MYLK: variants seen among roughly 807,000 people sequenced by gnomAD.
MYLK encodes the protein myosin light chain kinase, smooth muscle.
Under a neutral mutation model 203.4 loss-of-function variants are expected in MYLK, and 106 were observed. The ratio of observed to expected loss-of-function variants is 0.52; its 90% CI spans 0.45 to 0.61. The LOEUF (loss-of-function observed/expected upper bound fraction) is 0.61. MYLK is among the 20% of genes least tolerant of loss of function. The pLI is 0.00. For missense variants in MYLK, 2,072 were observed against 2,442.3 expected, an observed-to-expected ratio of 0.85 and a Z score of 3.20; for synonymous variants, 867 against 959.5, an observed-to-expected ratio of 0.90 and a Z score of 1.78.
chr3:123,682,849 C>G (rs994453751), intron 19 of MYLK, among the ~76,000 whole-genome samples: 20 of 152,170 alleles, frequency 1.3e-4, no homozygotes, highest in African/African-American at 4.1e-4. Flanking sequence ...AGCATGCCTC[C>G]CACCTCTGAG....
chr3:123,696,089 C>G (rs2060913557), intron 18 of MYLK, among the ~76,000 whole-genome samples: 1 of 152,304 alleles, frequency 6.6e-6, no homozygotes, highest in South Asian at 2.1e-4. Flanking sequence ...GGCTGTCAAA[C>G]CTCTTCTGCT....
chr3:123,667,242 C>T (rs2108347546), intron 20 of MYLK, 55 bp from the exon 21 acceptor site: 1 of 1,550,034 alleles, frequency 6.5e-7, no homozygotes, highest in South Asian at 1.1e-5. Flanking sequence ...TTTCACAAAG[C>T]TCCTGATCCT....
chr3:123,754,585 T>G (rs2063305758), intron 4 of MYLK, among the ~76,000 whole-genome samples: 1 of 152,168 alleles, frequency 6.6e-6, no homozygotes, highest in Non-Finnish European at 1.5e-5. Context: ...GCTGACAGTG[T>G]TGAAGGAGAC....
chr3:123,713,235 T>A (rs1473135071), intron 13 of MYLK, among the ~76,000 whole-genome samples: 4 of 152,052 alleles, frequency 2.6e-5, no homozygotes, highest in Admixed American at 6.5e-5. Flanking sequence ...TGGGAGTGAA[T>A]GTTCAGAACG....
intron 5 of MYLK, among the ~76,000 whole-genome samples, chr3:123,745,224 G>A (rs1487559693): frequency 6.6e-6 from 1 of 151,914 alleles, no homozygotes; most frequent in African/African-American, 2.4e-5. Flanking sequence ...AAAGATTCTT[G>A]CTGTGAAGCC....
chr3:123,791,411 G>A (rs2064776414), intron 4 of MYLK, among the ~76,000 whole-genome samples: 1 of 152,202 alleles, frequency 6.6e-6, no homozygotes, highest in African/African-American at 2.4e-5. Context: ...GGGATCATGT[G>A]ATGTGGCCCT....
intron 19 of MYLK, among the ~76,000 whole-genome samples, chr3:123,685,637 T>C (rs1402860905): frequency 7.8e-6 from 1 of 127,638 alleles, no homozygotes; most frequent in Non-Finnish European, 1.7e-5. Flanking sequence ...AAAAAGAAAA[T>C]GAAAATGATC....
At position 123,692,767 on chromosome 3, in the gene MYLK, T is replaced by C; in HGVS notation, c.3533A>G (p.Gln1178Arg). 6.2e-7 allele frequency: 1 copy of C among 1,614,020 alleles called. No homozygotes were observed. Among genetic ancestry groups the C allele is most frequent in the East Asian group, 2.2e-5 (1 of 44,874 alleles). ...GGTGACTTGGCAGGAGCACTCCGCC[T>C]GGCCAGCGTCATTCTTGGCTACACA... ...YKCVAKNDAG[Q>R]AECSCQVTVD... The change falls in exon 19 of 34, where the codon CAG (glutamine) becomes CGG (arginine). Residue 1178 changes from glutamine to arginine, a missense_variant. By Grantham distance (43) the Gln-to-Arg change is conservative. This residue lies in a region of MYLK where 865 missense variants were observed against 1,016.0 expected (regional missense o/e 0.85). Transcript: ENST00000360304.
At chr3:123,747,939 A>T (rs2063070877) in intron 5 of MYLK, among the ~76,000 whole-genome samples, 1 of 152,186 alleles carries the variant, frequency 6.6e-6, no homozygotes, top group African/African-American at 2.4e-5. Context: ...CTCATGTCCG[A>T]TGCTCACTGT....
At chr3:123,821,834 T>A (rs1260948362) in intron 3 of MYLK, among the ~76,000 whole-genome samples, 2 of 152,210 alleles carry the variant, frequency 1.3e-5, no homozygotes, top group Non-Finnish European at 2.9e-5. Flanking sequence ...TAACTTCCAG[T>A]TTGTCCAACC....
chr3:123,811,498 A>G (rs2065559802), intron 3 of MYLK, among the ~76,000 whole-genome samples: 1 of 152,168 alleles, frequency 6.6e-6, no homozygotes, highest in Non-Finnish European at 1.5e-5. Flanking sequence ...TAAAAAGCTA[A>G]TGGGGCATTG....
chr3:123,639,390 A>G (rs1245008118), intron 28 of MYLK, among the ~76,000 whole-genome samples: 1 of 152,056 alleles, frequency 6.6e-6, no homozygotes, highest in Admixed American at 6.5e-5. Context: ...ATCGTGGGAG[A>G]CATTTATTGG....
chr3:123,718,606 T>C (rs1337487833), intron 13 of MYLK, among the ~76,000 whole-genome samples: 1 of 152,196 alleles, frequency 6.6e-6, no homozygotes, highest in Non-Finnish European at 1.5e-5. Context: ...GCACTTGCTG[T>C]GCTGCCCACC....
chr3:123,768,992 T>C (rs1560194052), intron 4 of MYLK, among the ~76,000 whole-genome samples: 2 of 150,620 alleles, frequency 1.3e-5, no homozygotes, highest in Admixed American at 6.6e-5. Context: ...TGCTTCCTCC[T>C]TGCAGCATCT....
intron 2 of MYLK, among the ~76,000 whole-genome samples, chr3:123,871,581 T>C (rs949446539): frequency 1.3e-5 from 2 of 152,104 alleles, no homozygotes; most frequent in Non-Finnish European, 2.9e-5. Flanking sequence ...AATAGACAAA[T>C]TATCCCAAAG....
At chr3:123,725,477 C>T (rs145990279) in intron 12 of MYLK, among the ~76,000 whole-genome samples, 1,897 of 152,306 alleles carry the variant, frequency 0.012, 63 homozygotes, top group South Asian at 0.1. Flanking sequence ...AGTCCCAGAA[C>T]CACCTGCCAC....
chr3:123,831,542 A>T lies in MYLK; in HGVS notation c.-4+6T>A, dbSNP rs575948099. On this transcript the variant is annotated splice_donor_region_variant and intron_variant, in intron 3 of 33. Coordinates refer to ENST00000360304, the MANE Select transcript of MYLK (RefSeq NM_053025.4). ...CAACAGCATAATGTAAACTCTGTTC[A>T]CTCACCACCGTCTTCTCTGTTGTTT... 1.5e-6 allele frequency: 1 copy of T among 656,996 alleles called. No individual in the cohort carries two copies. Among genetic ancestry groups the T allele is most frequent in the East Asian group, 8.6e-5 (1 of 11,692 alleles). The allele number at this position is 656,996 out of a possible 1,614,324, so 40.7% of individuals were successfully genotyped here.
At chr3:123,715,080 T>C (rs1050848230) in intron 13 of MYLK, among the ~76,000 whole-genome samples, 1 of 152,168 alleles carries the variant, frequency 6.6e-6, no homozygotes. Context: ...CAGACAGATA[T>C]ACGCACTCTC....
rs191612566 is a variant in MYLK at position 123,647,445 on chromosome 3, A to G, written c.4416-18T>C. 5.3e-5 allele frequency: 86 copies of G among 1,612,306 alleles called. No homozygotes were observed. Among genetic ancestry groups the G allele is most frequent in the Non-Finnish European group, 6.4e-5 (76 of 1,178,488 alleles). ...ATTTCCCACTGCAAATGAAAGGGGGAGGAGAGAAAAGCCACATTTAGCCAA... is the reference window on the plus strand; with the variant it reads ...ATTTCCCACTGCAAATGAAAGGGGGGGGAGAGAAAAGCCACATTTAGCCAA... On this transcript the variant is annotated intron_variant, in intron 26 of 33. Transcript: ENST00000360304.
Sources: allele counts gnomAD v4.1 joint callset (sites outside exome capture counted in the v4.1 genomes callset), GRCh38; gene constraint gnomAD v4.1.1; regional missense constraint gnomAD v4.1.1; transcripts MANE v1.5; gene names NCBI Gene and HGNC (gene_info 2026-07-23, HGNC 2026-07-21).